The following SLC7A10 variants were observed in gnomAD, a reference collection of about 807,000 sequenced individuals.
SLC7A10 encodes asc-type amino acid transporter 1.
Under a neutral mutation model 52.7 loss-of-function variants are expected in SLC7A10, and 30 were observed. That is an observed-to-expected ratio of 0.57 (90% CI 0.43 to 0.77). The LOEUF (loss-of-function observed/expected upper bound fraction) is 0.77. Among genes scored for constraint, SLC7A10 ranks in the 30% least tolerant of loss-of-function variants. The probability of loss-of-function intolerance (pLI) is 0.00; values close to 1 mark genes in which losing one functional copy is unlikely to be tolerated. For missense variants in SLC7A10, 581 were observed against 698.5 expected, an observed-to-expected ratio of 0.83 and a Z score of 1.90; for synonymous variants, 318 against 314.9, an observed-to-expected ratio of 1.01 and a Z score of -0.10.
chr19:33,209,595 G>A, intron 9 of SLC7A10, 110 bp from the exon 10 acceptor site: 3 of 1,177,598 alleles, frequency 2.5e-6, no homozygotes, highest in South Asian at 3.0e-5. Context: ...GCTGAGGCCT[G>A]AAGGGCAATT....
chr19:33,213,820 C>T (rs1974611891), intron 2 of SLC7A10, among the ~76,000 whole-genome samples: 1 of 152,200 alleles, frequency 6.6e-6, no homozygotes, highest in Non-Finnish European at 1.5e-5. Context: ...CCCCTTCTAC[C>T]TAAATCTTGC....
chr19:33,211,201 C>T (rs1974542804), intron 7 of SLC7A10, 24 bp downstream of exon 7: 2 of 1,607,558 alleles, frequency 1.2e-6, no homozygotes, highest in East Asian at 2.2e-5. Flanking sequence ...CCTCCCCATG[C>T]CCACGTCTCC....
rs771499558 is a variant in SLC7A10, at chr19:33,212,591, A to G, written c.557T>C (p.Ile186Thr). The change falls in exon 4 of 11, where the codon ATC becomes ACC. Residue 186 changes from isoleucine (I) to threonine (T), a missense_variant. Ile to Thr is a moderately conservative substitution (Grantham distance 89). Coordinates refer to ENST00000253188, the MANE Select transcript of SLC7A10 (RefSeq NM_019849.3). Reference protein sequence around the residue: ...NSSSVRWATRIQDMFTGGKLL... With the variant: ...NSSSVRWATRTQDMFTGGKLL... The stretch of plus-strand genomic sequence containing the variant: ...CTTCCCGCCTGTGAACATGTCCTGG[A>G]TGCGCGTGGCCCAGCGCACACTGGA... 1 of 1,613,938 alleles carries G rather than the reference A, an allele frequency of 6.2e-7. No homozygotes were observed. The highest frequency in any genetic ancestry group is 8.5e-7 in the Non-Finnish European group (1 of 1,180,042).
At chr19:33,220,005 G>A (rs1213393051) in intron 1 of SLC7A10, 1 of 152,296 alleles carries the variant, frequency 6.6e-6, no homozygotes, top group Non-Finnish European at 1.5e-5. Context: ...TGAGACCTGA[G>A]CCACCCGGGA....
chr19:33,224,403 G>A (rs995066933), intron 1 of SLC7A10, among the ~76,000 whole-genome samples: 9 of 152,114 alleles, frequency 5.9e-5, no homozygotes, highest in African/African-American at 1.2e-4. Flanking sequence ...GTGAGATGGC[G>A]GAGTGACCTG....
chr19:33,225,836 T>C lies in SLC7A10; in HGVS notation c.-133A>G, dbSNP rs1254537578. 4 of 1,096,026 alleles carry C rather than the reference T, an allele frequency of 3.6e-6. No individual in the cohort carries two copies. The highest frequency in any genetic ancestry group is 4.6e-6 in the Non-Finnish European group (4 of 863,508). 67.9% of individuals were successfully genotyped at this position (1,096,026 alleles called of 1,614,324 possible). A position where few individuals can be genotyped will look rare whatever the true frequency, so the allele number is the denominator to read the frequency against. On this transcript the variant is annotated 5_prime_UTR_variant, in exon 1 of 11. Coordinates refer to ENST00000253188, the MANE Select transcript of SLC7A10 (RefSeq NM_019849.3). ...CCCACAGGCGGGCGCATGCGCTGGC[T>C]CCGGGCCCGGGACTGGGGGCCCCGG...
intron 1 of SLC7A10, among the ~76,000 whole-genome samples, chr19:33,222,399 AATAAAATAAAAT>A (rs72440441): frequency 0.011 from 1,524 of 143,760 alleles, 12 homozygotes; most frequent in African/African-American, 0.024. Flanking sequence ...AGTTTGTTTT[AATAAAATAAAAT>A]ATAAAATAAA....
intron 1 of SLC7A10, 87 bp downstream of exon 1, chr19:33,225,466 G>T (rs1470099796): frequency 2.7e-6 from 4 of 1,506,758 alleles, no homozygotes; most frequent in African/African-American, 2.7e-5. Context: ...CCGTCCGAGC[G>T]CCCGGAGAGG....
In SLC7A10 at chr19:33,225,541, G is replaced by A. The variant is rs758363138; in HGVS notation, c.151+12C>T. 3.1e-6 allele frequency: 5 copies of A among 1,595,912 alleles called. No individual in the cohort carries two copies. In the African/African-American group the frequency reaches 4.0e-5, roughly 13 times the overall value. On this transcript the variant is annotated intron_variant, in intron 1 of 10. Transcript: ENST00000253188. ...CCTCCGCCCGGCGCCCGCCCGCCTGGGTCCCGCTCACCGATGATGATGGTG... is the reference window on the plus strand; with the variant it reads ...CCTCCGCCCGGCGCCCGCCCGCCTGAGTCCCGCTCACCGATGATGATGGTG...
intron 1 of SLC7A10, among the ~76,000 whole-genome samples, chr19:33,217,318 C>T (rs532645893): frequency 6.6e-6 from 1 of 152,286 alleles, no homozygotes; most frequent in African/African-American, 2.4e-5. Context: ...AGCCCCTCTG[C>T]TTTCTGACAT....
Position 33,225,735 on chromosome 19 carries a change from G to C in SLC7A10, c.-32C>G. 4 of 1,477,694 alleles carry C rather than the reference G, an allele frequency of 2.7e-6. No homozygotes were observed. Among genetic ancestry groups the C allele is most frequent in the Non-Finnish European group, 3.6e-6 (4 of 1,122,424 alleles). 91.5% of individuals were successfully genotyped at this position (1,477,694 alleles called of 1,614,324 possible). A position where few individuals can be genotyped will look rare whatever the true frequency, so the allele number is the denominator to read the frequency against. ...GTCCCGCCGCGTCCCCGCTCCCTGC[G>C]CTGCCCCGTCTGTCCGGCCGGCCGC... On this transcript the variant is annotated 5_prime_UTR_variant, in exon 1 of 11. Coordinates refer to ENST00000253188, the MANE Select transcript of SLC7A10 (RefSeq NM_019849.3).
rs1568386943 is a variant in SLC7A10, at chr19:33,209,454, A to G, written c.1295T>C (p.Val432Ala). ...GAAGACCAGCAGGAAGGCCCAGAAGACCAAGTACGCCACGGGGATGAGAAG... is the reference window on the plus strand; with the variant it reads ...GAAGACCAGCAGGAAGGCCCAGAAGGCCAAGTACGCCACGGGGATGAGAAG... ...VNLLIPVAYLVFWAFLLVFSF... is the reference protein window; with the variant it reads ...VNLLIPVAYLAFWAFLLVFSF... Residue 432 changes from valine (V) to alanine (A), a missense_variant, in exon 10 of 11, where the codon GTC becomes GCC. By Grantham distance (64) the Val-to-Ala change is moderately conservative (BLOSUM62 0). Transcript: ENST00000253188. 1.2e-6 allele frequency: 2 copies of G among 1,613,924 alleles called. No individual in the cohort carries two copies. The highest frequency in any genetic ancestry group is 8.5e-7 in the Non-Finnish European group (1 of 1,179,982).
At chr19:33,215,660 A>ACACCTTCTCTCCATCCCCCCCCC in intron 2 of SLC7A10, 109 bp downstream of exon 2, 1 of 673,684 alleles carries the variant, frequency 1.5e-6, no homozygotes, top group South Asian at 4.5e-5. Context: ...ATCCACCCCC[A>ACACCTTCTCTCCATCCCCCCCCC]CGACCTCCCT....
intron 2 of SLC7A10, among the ~76,000 whole-genome samples, chr19:33,214,965 G>A (rs901456251): frequency 2.0e-5 from 3 of 152,052 alleles, no homozygotes; most frequent in African/African-American, 7.2e-5. Flanking sequence ...ATAGCAGGGT[G>A]CTAAGGAAAG....
intron 1 of SLC7A10, among the ~76,000 whole-genome samples, chr19:33,218,690 T>TCTTTCTTTCTTTCTTTCTTCTTTC (rs199544613): frequency 1.1e-5 from 1 of 90,374 alleles, no homozygotes. Flanking sequence ...TCTTTTTTTT[T>TCTTTCTTTCTTTCTTTCTTCTTTC]TTTTTTTAGT....
intron 1 of SLC7A10, among the ~76,000 whole-genome samples, chr19:33,222,499 A>G (rs577979071): frequency 7.9e-5 from 12 of 151,576 alleles, no homozygotes; most frequent in South Asian, 2.1e-4. Flanking sequence ...AAAATAAAAT[A>G]GGCACTGGAC....
At position 33,212,829 on chromosome 19, in the gene SLC7A10, G is replaced by A. The variant is rs751811007; in HGVS notation, c.508+22C>T. 6.2e-6 allele frequency: 10 copies of A among 1,612,238 alleles called. No homozygotes were observed. In the South Asian group the frequency reaches 9.9e-5, roughly 16 times the overall value. On this transcript the variant is annotated intron_variant, in intron 3 of 10. Transcript: ENST00000253188. ...CGGGCAGGTGGCTGATCTGGGGACA[G>A]TGGGCCAAAGGGGATGCTTACTCAG... is the stretch of plus-strand genomic sequence containing the variant.
chr19:33,212,923 C>T lies in SLC7A10; in HGVS notation c.436G>A (p.Val146Met), dbSNP rs139176583. 2.0e-5 allele frequency: 32 copies of T among 1,613,966 alleles called. No individual in the cohort carries two copies. Among genetic ancestry groups the T allele is most frequent in the African/African-American group, 1.6e-4 (12 of 74,888 alleles). Residue 146 changes from valine (V) to methionine (M), a missense_variant, in exon 3 of 11, where the codon GTG (valine) becomes ATG (methionine). Transcript: ENST00000253188. ...CAGTTGGGGAACACGGGCTGCAGCA[C>T]GTAGTTGGAGAAGGTCATGGAGATG... ...AVISMTFSNY[V>M]LQPVFPNCIP...
At chr19:33,212,791 G>A in intron 3 of SLC7A10, 60 bp downstream of exon 3, 2 of 1,608,610 alleles carry the variant, frequency 1.2e-6, no homozygotes, top group Non-Finnish European at 1.7e-6. Context: ...CCTGCTCAGG[G>A]CAGGATGGAG....
Sources: gnomAD v4.1 joint callset for allele counts (sites outside exome capture counted in the v4.1 genomes callset) on GRCh38, gnomAD v4.1.1 for gene constraint, MANE v1.5 for transcripts, NCBI Gene and HGNC (gene_info 2026-07-23, HGNC 2026-07-21) for gene names.